CCDC171: variants seen among roughly 807,000 people sequenced by gnomAD.
CCDC171 encodes the protein coiled-coil domain containing 171.
Under a neutral mutation model 168.2 loss-of-function variants are expected in CCDC171, and 177 were observed. The observed-to-expected ratio is 1.05, with a 90% CI of 0.93 to 1.19. CCDC171 has a LOEUF of 1.19. Ranked by LOEUF, CCDC171 falls within the 50% of genes most tolerant of loss-of-function variation. The pLI is 0.00. For missense variants in CCDC171, 1,991 were observed against 1,539.0 expected, an observed-to-expected ratio of 1.29 and a Z score of -4.91; for synonymous variants, 687 against 540.8, an observed-to-expected ratio of 1.27 and a Z score of -3.75.
chr9:15,650,052 T>C (rs1201156160), intron 7 of CCDC171, among the ~76,000 whole-genome samples: 1 of 152,156 alleles, frequency 6.6e-6, no homozygotes, highest in Admixed American at 6.6e-5. Flanking sequence ...ATATACACCA[T>C]GGAATACTAT....
chr9:15,798,411 TTTA>T (rs2058661915), intron 21 of CCDC171, among the ~76,000 whole-genome samples: 1 of 152,142 alleles, frequency 6.6e-6, no homozygotes. Flanking sequence ...TTCTGTTATT[TTTA>T]TTATTTCCTT....
Position 15,993,513 on chromosome 9 carries a change from C to G in CCDC171, n.369-27076C>G, listed in dbSNP as rs188294717. 3.9e-5 allele frequency among the ~76,000 whole-genome samples: 6 copies of G among 152,252 alleles called. No homozygotes were observed. The East Asian group carries it at 1.2e-3, about 29-fold the overall frequency. Reference sequence around the variant, plus strand: ...ACCCTAGAAAAAAACCTAGGCAGTACCATTCAGGACATAGGCATGGGCAAG... The same window carrying G: ...ACCCTAGAAAAAAACCTAGGCAGTAGCATTCAGGACATAGGCATGGGCAAG... On this transcript the variant is annotated intron_variant and non_coding_transcript_variant, in intron 3 of 9. Coordinates refer to the CCDC171 transcript ENST00000486641.
intron 9 of CCDC171, among the ~76,000 whole-genome samples, chr9:15,671,504 C>T (rs1435725880): frequency 1.3e-5 from 2 of 150,620 alleles, no homozygotes; most frequent in East Asian, 3.9e-4. Flanking sequence ...GCTATCCCTC[C>T]CCCAGCCCCC....
chr9:15,651,609 T>C (rs576251421), intron 7 of CCDC171, among the ~76,000 whole-genome samples: 1 of 152,232 alleles, frequency 6.6e-6, no homozygotes, highest in South Asian at 2.1e-4. Context: ...GATATTTGTC[T>C]TTTTGTGCCT....
intron 21 of CCDC171, among the ~76,000 whole-genome samples, chr9:15,808,909 A>G (rs1053443467): frequency 1.3e-5 from 2 of 152,194 alleles, no homozygotes; most frequent in Non-Finnish European, 2.9e-5. Flanking sequence ...AGGCACTAGT[A>G]GATTTGGTGT....
chr9:15,971,817 C>T lies in CCDC171; in HGVS notation c.3962C>T (p.Pro1321Leu), dbSNP rs201623961. ...PVTMSANANR[P>L]TQIGL is the part of the protein sequence containing the mutation. ...ACTATGTCTGCTAATGCCAACAGAC[C>T]AACTCAGATTGGATTATGACTTCAT... The change falls in exon 26 of 26, where the codon CCA (proline) becomes CTA (leucine). Residue 1321 changes from proline to leucine, a missense_variant. Transcript: ENST00000380701. 2.5e-5 allele frequency: 40 copies of T among 1,611,814 alleles called. No individual in the cohort carries two copies. The highest frequency in any genetic ancestry group is 3.4e-5 in the Non-Finnish European group (40 of 1,178,120).
intron 21 of CCDC171, among the ~76,000 whole-genome samples, chr9:15,829,932 A>C (rs536111134): frequency 7.5e-4 from 114 of 152,304 alleles, no homozygotes; most frequent in African/African-American, 2.6e-3. Flanking sequence ...AAAATGTGCA[A>C]TAATGGTAGC....
At chr9:15,641,438 C>A (rs1225066908) in intron 7 of CCDC171, among the ~76,000 whole-genome samples, 1 of 152,186 alleles carries the variant, frequency 6.6e-6, no homozygotes, top group Non-Finnish European at 1.5e-5. Flanking sequence ...TTTACTCAAT[C>A]TTTCAGCACA....
chr9:15,784,748 C>G, intron 21 of CCDC171, 54 bp downstream of exon 21: 4 of 1,321,540 alleles, frequency 3.0e-6, no homozygotes, highest in East Asian at 2.4e-5. Context: ...ATGTGTGGAT[C>G]TTAGAGGGAA....
chr9:15,580,971 G>A (rs191469939), intron 4 of CCDC171, among the ~76,000 whole-genome samples: 1,746 of 152,266 alleles, frequency 0.011, 15 homozygotes, highest in Non-Finnish European at 0.019. Flanking sequence ...TATTCAAAAA[G>A]GAAAAGAGGA....
intron 7 of CCDC171, among the ~76,000 whole-genome samples, chr9:15,643,264 C>A (rs1006805373): frequency 2.0e-5 from 3 of 151,970 alleles, no homozygotes; most frequent in Non-Finnish European, 4.4e-5. Context: ...ATACTAGGTA[C>A]TGAGAAAACT....
chr9:15,741,867 G>C (rs1436555278), intron 16 of CCDC171, among the ~76,000 whole-genome samples: 1 of 152,138 alleles, frequency 6.6e-6, no homozygotes, highest in African/African-American at 2.4e-5. Flanking sequence ...GGTAAAAAAT[G>C]CTTTAGGTTT....
intron 23 of CCDC171, among the ~76,000 whole-genome samples, chr9:15,854,508 T>G (rs1179624503): frequency 6.6e-6 from 1 of 151,632 alleles, no homozygotes; most frequent in African/African-American, 2.4e-5. Context: ...CATGCCAATA[T>G]TATTTGTCTT....
At chr9:15,913,921 G>A (rs1014624000) in intron 24 of CCDC171, among the ~76,000 whole-genome samples, 29 of 152,310 alleles carry the variant, frequency 1.9e-4, no homozygotes, top group Non-Finnish European at 1.8e-4. Flanking sequence ...GTCTCCTGGA[G>A]TTTGCTGGGA....
At chr9:15,771,955 C>T (rs762670999) in intron 18 of CCDC171, among the ~76,000 whole-genome samples, 25 of 152,064 alleles carry the variant, frequency 1.6e-4, no homozygotes, top group Non-Finnish European at 3.2e-4. Context: ...GCCTCAGCCT[C>T]CGGAGTAGCT....
At chr9:16,000,182 A>T (rs1003272068) in intron 3 of CCDC171, among the ~76,000 whole-genome samples, 2 of 152,224 alleles carry the variant, frequency 1.3e-5, no homozygotes, top group Admixed American at 1.3e-4. Flanking sequence ...TCATTGTGAA[A>T]TCCAAAACAT....
At chr9:16,037,299 G>A (rs1030796527) in intron 8 of CCDC171, among the ~76,000 whole-genome samples, 1 of 152,130 alleles carries the variant, frequency 6.6e-6, no homozygotes, top group Non-Finnish European at 1.5e-5. Context: ...TAAATACATG[G>A]ATGAATAAAT....
At chr9:15,630,427 GAA>G (rs1307736996) in intron 7 of CCDC171, among the ~76,000 whole-genome samples, 1 of 152,162 alleles carries the variant, frequency 6.6e-6, no homozygotes, top group Admixed American at 6.5e-5. Context: ...AAGAGACAAA[GAA>G]GGCCATTACA....
At chr9:15,992,084 C>G (rs916456567) in intron 3 of CCDC171, among the ~76,000 whole-genome samples, 2 of 152,296 alleles carry the variant, frequency 1.3e-5, no homozygotes, top group African/African-American at 4.8e-5. Context: ...TTTTATGAGG[C>G]CAGCATCATC....
Sources: gnomAD v4.1 joint callset for allele counts (sites outside exome capture counted in the v4.1 genomes callset) on GRCh38, gnomAD v4.1.1 for gene constraint, MANE v1.5 for transcripts, NCBI Gene and HGNC (gene_info 2026-07-23, HGNC 2026-07-21) for gene names.